USP15: variants seen among roughly 807,000 people sequenced by gnomAD.
USP15 encodes ubiquitin carboxyl-terminal hydrolase 15.
Under a neutral mutation model 127.1 loss-of-function variants are expected in USP15, and 18 were observed. The observed-to-expected ratio is 0.14, with a 90% confidence interval of 0.10 to 0.21. The LOEUF (loss-of-function observed/expected upper bound fraction) is 0.21, where lower values mean the gene tolerates loss of function less well. USP15 is among the 10% of genes least tolerant of loss of function. The pLI, the probability that USP15 is intolerant of heterozygous loss-of-function variation, is 1.00. For synonymous variants in USP15, 364 were observed against 393.7 expected, an observed-to-expected ratio of 0.92 and a Z score of 0.89; for missense variants, 805 against 1,159.9, an observed-to-expected ratio of 0.69 and a Z score of 4.44.
intron 1 of USP15, among the ~76,000 whole-genome samples, chr12:62,274,969 CTGCA>C (rs2063446768): frequency 6.6e-6 from 1 of 152,046 alleles, no homozygotes; most frequent in African/African-American, 2.4e-5. Context: ...GGAAGGGGAG[CTGCA>C]GAACTAAAGT....
chr12:62,343,336 G>T (rs1389123277), intron 6 of USP15, among the ~76,000 whole-genome samples: 1 of 152,166 alleles, frequency 6.6e-6, no homozygotes, highest in Non-Finnish European at 1.5e-5. Flanking sequence ...GTGGTTCCTA[G>T]CTTTCTGGGA....
In USP15 at chr12:62,264,556, AAATCTCTGTGAC is replaced by A. The variant is rs2063150686; in HGVS notation, c.89+4055_89+4066del. ...AGTAATTTGTGTGTGAAGTCATTTA[AAATCTCTGTGAC>A]ATTTTCATTTCAATAATTGCCAAAG... On this transcript the variant is annotated intron_variant, in intron 1 of 21. Transcript: ENST00000280377. Among the ~76,000 whole-genome samples, 21 of 152,330 alleles carry A rather than the reference AAATCTCTGTGAC, an allele frequency of 1.4e-4. No homozygotes were observed. In the South Asian group the frequency reaches 4.4e-3, roughly 32 times the overall value.
chr12:62,340,423 C>G (rs926779119), intron 6 of USP15, among the ~76,000 whole-genome samples: 1 of 152,016 alleles, frequency 6.6e-6, no homozygotes, highest in Non-Finnish European at 1.5e-5. Context: ...TTCTTGTCTT[C>G]TGCTAGCTTT....
In USP15 at chr12:62,281,257, C is replaced by T. The variant is rs552981316; in HGVS notation, c.90-12922C>T. 2.0e-5 allele frequency among the ~76,000 whole-genome samples: 3 copies of T among 152,240 alleles called. No homozygotes were observed. The South Asian group carries it at 6.2e-4, about 32-fold the overall frequency. On this transcript the variant is annotated intron_variant, in intron 1 of 21. Coordinates refer to ENST00000280377, the MANE Select transcript of USP15 (RefSeq NM_001252078.2). The stretch of plus-strand genomic sequence containing the variant: ...TACCTTTCTTAGTCTTCTTTCTTGT[C>T]TACGTCTTCTAATCTCATCTTTCTA...
chr12:62,389,860 A>G lies in USP15; in HGVS notation c.1716A>G (p.Arg572=), dbSNP rs777260245. ...ACGTGATTATTCCTGTTTGCCTAAG[A>G]GAAAAATTCAGACACTCGAGTTATA... ...TEHVIIPVCL[R]EKFRHSSYTH... is the part of the protein sequence containing the mutation. Residue 572 remains arginine (R), a synonymous_variant, in exon 14 of 22, where the codon AGA becomes AGG. Coordinates refer to ENST00000280377, the MANE Select transcript of USP15 (RefSeq NM_001252078.2). 6.2e-7 allele frequency: 1 copy of G among 1,613,906 alleles called. No individual in the cohort carries two copies. The highest frequency in any genetic ancestry group is 1.7e-5 in the Admixed American group (1 of 60,008).
chr12:62,346,772 A>C (rs2065829219), intron 6 of USP15, among the ~76,000 whole-genome samples: 1 of 152,202 alleles, frequency 6.6e-6, no homozygotes, highest in African/African-American at 2.4e-5. Context: ...TTCATAGAAT[A>C]TAAAAGACCC....
At chr12:62,318,321 A>G (rs1007826243) in intron 4 of USP15, among the ~76,000 whole-genome samples, 2 of 152,162 alleles carry the variant, frequency 1.3e-5, no homozygotes, top group African/African-American at 4.8e-5. Flanking sequence ...TGTTGGTACT[A>G]CTACTGTCAT....
intron 1 of USP15, among the ~76,000 whole-genome samples, chr12:62,270,038 T>A (rs1265142590): frequency 6.6e-6 from 1 of 152,044 alleles, no homozygotes; most frequent in Non-Finnish European, 1.5e-5. Flanking sequence ...TCGTCAGCAC[T>A]TATGTTCTTT....
At chr12:62,333,134 A>C (rs1382938075) in intron 6 of USP15, among the ~76,000 whole-genome samples, 2 of 152,248 alleles carry the variant, frequency 1.3e-5, no homozygotes, top group Non-Finnish European at 2.9e-5. Flanking sequence ...AATTATTAAA[A>C]TACATGTTGG....
At chr12:62,337,176 GC>G (rs1291733535) in intron 6 of USP15, among the ~76,000 whole-genome samples, 1 of 152,138 alleles carries the variant, frequency 6.6e-6, no homozygotes, top group African/African-American at 2.4e-5. Flanking sequence ...TTCATCGAAA[GC>G]CCAAATTTTA....
At chr12:62,367,065 A>G (rs1049489291) in intron 8 of USP15, among the ~76,000 whole-genome samples, 1 of 152,122 alleles carries the variant, frequency 6.6e-6, no homozygotes, top group Non-Finnish European at 1.5e-5. Context: ...CCAGCCTCAT[A>G]AAATGAGTTA....
chr12:62,295,411 C>G (rs1342142558), intron 2 of USP15, among the ~76,000 whole-genome samples: 1 of 152,216 alleles, frequency 6.6e-6, no homozygotes, highest in East Asian at 1.9e-4. Context: ...AGAAACTTAA[C>G]TGCATTTCAG....
intron 8 of USP15, among the ~76,000 whole-genome samples, chr12:62,380,027 C>A (rs1011428467): frequency 6.6e-6 from 1 of 152,004 alleles, no homozygotes; most frequent in Non-Finnish European, 1.5e-5. Context: ...TTCTCCTGCT[C>A]ACATATATTA....
At chr12:62,372,619 T>C (rs1592689409) in intron 8 of USP15, among the ~76,000 whole-genome samples, 1 of 152,144 alleles carries the variant, frequency 6.6e-6, no homozygotes, top group South Asian at 2.1e-4. Flanking sequence ...ATTCTTAATA[T>C]TTATTTATTC....
chr12:62,402,506 G>A (rs1355157449), intron 21 of USP15, among the ~76,000 whole-genome samples: 1 of 152,012 alleles, frequency 6.6e-6, no homozygotes, highest in Non-Finnish European at 1.5e-5. Context: ...GATGATGTCT[G>A]ACCTGAGTCT....
At chr12:62,338,227 C>G (rs909293944) in intron 6 of USP15, among the ~76,000 whole-genome samples, 3 of 152,062 alleles carry the variant, frequency 2.0e-5, no homozygotes, top group Non-Finnish European at 4.4e-5. Flanking sequence ...TGTCTAATGA[C>G]CAGTGATGAA....
chr12:62,383,235 G>A (rs1333588081), intron 9 of USP15, among the ~76,000 whole-genome samples: 4 of 151,846 alleles, frequency 2.6e-5, no homozygotes, highest in Non-Finnish European at 5.9e-5. Flanking sequence ...AAACTATAGG[G>A]TTTGATTCCT....
chr12:62,300,904 G>A (rs60973427), intron 2 of USP15, among the ~76,000 whole-genome samples: 1 of 152,112 alleles, frequency 6.6e-6, no homozygotes, highest in African/African-American at 2.4e-5. Flanking sequence ...AGTAACAAAA[G>A]CTTCTTTAAA....
intron 8 of USP15, among the ~76,000 whole-genome samples, chr12:62,366,412 C>T (rs2066478270): frequency 6.6e-6 from 1 of 152,284 alleles, no homozygotes; most frequent in East Asian, 1.9e-4. Context: ...TATCCTGAGA[C>T]TTTGCTGAAG....
Sources: gnomAD v4.1 joint callset for allele counts (sites outside exome capture counted in the v4.1 genomes callset) on GRCh38, gnomAD v4.1.1 for gene constraint, MANE v1.5 for transcripts, NCBI Gene and HGNC (gene_info 2026-07-23, HGNC 2026-07-21) for gene names.